The following RALYL variants were observed in gnomAD, a reference collection of about 807,000 sequenced individuals.
RALYL encodes RNA-binding Raly-like protein.
In RALYL, 29 loss-of-function variants were observed where a neutral mutation model predicts 35.1. That is an observed-to-expected ratio of 0.83 (90% CI 0.61 to 1.13). The LOEUF is 1.13. Among genes scored for constraint, RALYL ranks in the 50% most tolerant of loss-of-function variants. RALYL has a pLI of 0.00. For missense variants in RALYL, 359 were observed against 360.4 expected (o/e 1.00, Z 0.03); for synonymous variants, 120 against 127.6 (o/e 0.94, Z 0.40).
chr8:84,655,780 C>T (rs965851932), intron 2 of RALYL, among the ~76,000 whole-genome samples: 7 of 152,030 alleles, frequency 4.6e-5, no homozygotes, highest in Non-Finnish European at 7.4e-5. Context: ...ACTGTATATC[C>T]TCAATGAATA....
chr8:84,262,616 T>C (rs902848550), intron 1 of RALYL, among the ~76,000 whole-genome samples: 3 of 152,182 alleles, frequency 2.0e-5, no homozygotes, highest in African/African-American at 4.8e-5. Context: ...ATTACTTTTA[T>C]AGACTTTTGA....
At chr8:84,777,777 G>A (rs2465978) in intron 3 of RALYL, among the ~76,000 whole-genome samples, 34,713 of 151,876 alleles carry the variant, frequency 0.23, 4,171 homozygotes, top group Non-Finnish European at 0.25. Context: ...GAGTAGCTGG[G>A]ACTACAGGTG....
At chr8:84,344,569 CTAAT>C (rs1849461151) in intron 1 of RALYL, among the ~76,000 whole-genome samples, 1 of 151,940 alleles carries the variant, frequency 6.6e-6, no homozygotes. Context: ...TTTATTGTGA[CTAAT>C]TGTGGGGTAC....
At chr8:84,413,139 T>C (rs1002239378) in intron 1 of RALYL, among the ~76,000 whole-genome samples, 1 of 150,644 alleles carries the variant, frequency 6.6e-6, no homozygotes, top group Admixed American at 6.6e-5. Context: ...AATTAATTTT[T>C]TTCTGGTTCT....
At chr8:84,470,065 G>C (rs945645828) in intron 1 of RALYL, among the ~76,000 whole-genome samples, 3 of 152,186 alleles carry the variant, frequency 2.0e-5, no homozygotes, top group Admixed American at 1.3e-4. Context: ...GATGCACCCG[G>C]TACCTCAGAT....
At chr8:84,236,502 G>A (rs1009016023) in intron 1 of RALYL, among the ~76,000 whole-genome samples, 3 of 152,086 alleles carry the variant, frequency 2.0e-5, no homozygotes, top group Admixed American at 1.3e-4. Context: ...CCATATGATA[G>A]GCACCTTTTT....
intron 1 of RALYL, among the ~76,000 whole-genome samples, chr8:84,312,305 A>T (rs1198941850): frequency 6.6e-6 from 1 of 152,190 alleles, no homozygotes; most frequent in Non-Finnish European, 1.5e-5. Context: ...GTGGGGACAC[A>T]GAGCAAAACC....
intron 1 of RALYL, among the ~76,000 whole-genome samples, chr8:84,389,755 G>T: frequency 6.7e-6 from 1 of 149,582 alleles, no homozygotes; most frequent in East Asian, 2.0e-4. Context: ...TGAGACAATG[G>T]GGTTTTCTAG....
intron 7 of RALYL, among the ~76,000 whole-genome samples, chr8:84,883,593 C>T (rs939267105): frequency 6.6e-6 from 1 of 152,028 alleles, no homozygotes; most frequent in Non-Finnish European, 1.5e-5. Flanking sequence ...CCCCATCATT[C>T]AATTATCTCC....
intron 1 of RALYL, among the ~76,000 whole-genome samples, chr8:84,435,540 A>G (rs2047622184): frequency 1.3e-5 from 2 of 152,190 alleles, no homozygotes; most frequent in South Asian, 2.1e-4. Context: ...ACATTAATGT[A>G]AGTAACTGTA....
intron 1 of RALYL, among the ~76,000 whole-genome samples, chr8:84,433,192 C>T (rs919740236): frequency 1.8e-4 from 28 of 152,086 alleles, no homozygotes; most frequent in Admixed American, 1.6e-3. Context: ...TTGTGTAGTC[C>T]TTCAGGAGAC....
At chr8:84,294,502 G>A (rs1401647946) in intron 1 of RALYL, among the ~76,000 whole-genome samples, 1 of 152,068 alleles carries the variant, frequency 6.6e-6, no homozygotes, top group Non-Finnish European at 1.5e-5. Flanking sequence ...ACTAATTCCT[G>A]TTAAAAGCTT....
intron 2 of RALYL, among the ~76,000 whole-genome samples, chr8:84,728,248 G>GT (rs1299508151): frequency 3.3e-5 from 5 of 152,034 alleles, no homozygotes; most frequent in Non-Finnish European, 7.4e-5. Context: ...TTTTTCGTGT[G>GT]TTTTTTGGCT....
At chr8:84,517,273 C>A (rs962331289) in intron 1 of RALYL, among the ~76,000 whole-genome samples, 1 of 151,970 alleles carries the variant, frequency 6.6e-6, no homozygotes, top group Non-Finnish European at 1.5e-5. Flanking sequence ...TATATATGGG[C>A]CATAACAAAC....
At chr8:84,448,350 A>G (rs541483203) in intron 1 of RALYL, among the ~76,000 whole-genome samples, 2 of 152,026 alleles carry the variant, frequency 1.3e-5, no homozygotes, top group Non-Finnish European at 2.9e-5. Context: ...GCATGCTCCA[A>G]TTTTAGTTGT....
intron 2 of RALYL, among the ~76,000 whole-genome samples, chr8:84,682,914 G>C: frequency 6.6e-6 from 1 of 151,954 alleles, no homozygotes; most frequent in Non-Finnish European, 1.5e-5. Context: ...TGCTTCTCTA[G>C]TTCTTTTAAT....
intron 1 of RALYL, among the ~76,000 whole-genome samples, chr8:84,220,094 A>T (rs1241680885): frequency 6.6e-6 from 1 of 151,996 alleles, no homozygotes; most frequent in Non-Finnish European, 1.5e-5. Context: ...CGTAATTTGG[A>T]TATGGTCAAC....
intron 2 of RALYL, among the ~76,000 whole-genome samples, chr8:84,727,076 G>A (rs182484608): frequency 2.6e-5 from 4 of 152,168 alleles, no homozygotes; most frequent in Non-Finnish European, 1.5e-5. Flanking sequence ...ATGAAGAGGG[G>A]TTAAGTTAAG....
intron 2 of RALYL, among the ~76,000 whole-genome samples, chr8:84,610,162 T>G (rs1293811620): frequency 6.6e-6 from 1 of 152,074 alleles, no homozygotes; most frequent in African/African-American, 2.4e-5. Flanking sequence ...TTTATTAAGA[T>G]TTTTTTCTTT....
Sources: gnomAD v4.1 joint callset for allele counts (sites outside exome capture counted in the v4.1 genomes callset) on GRCh38, gnomAD v4.1.1 for gene constraint, MANE v1.5 for transcripts, NCBI Gene and HGNC (gene_info 2026-07-23, HGNC 2026-07-21) for gene names.